The following RORA variants were observed in gnomAD, a reference collection of about 807,000 sequenced individuals.
RORA encodes the protein nuclear receptor ROR-alpha.
In RORA, 7 loss-of-function variants were observed where a neutral mutation model predicts 69.5. The ratio of observed to expected loss-of-function variants is 0.10; its 90% CI spans 0.06 to 0.19. The LOEUF (loss-of-function observed/expected upper bound fraction) is 0.19, where lower values mean the gene tolerates loss of function less well. Among genes scored for constraint, RORA ranks in the 10% least tolerant of loss-of-function variants. RORA has a pLI of 1.00. For synonymous variants in RORA, 261 were observed against 240.8 expected (o/e 1.08, Z -0.78); for missense variants, 457 against 663.0 (o/e 0.69, Z 3.41).
At chr15:61,088,712 T>C (rs1049123649) in intron 1 of RORA, among the ~76,000 whole-genome samples, 2 of 152,082 alleles carry the variant, frequency 1.3e-5, no homozygotes, top group Non-Finnish European at 2.9e-5. Context: ...AGTAAACTAG[T>C]AAACTAACAA....
chr15:61,227,878 T>C (rs998866391), intron 1 of RORA, among the ~76,000 whole-genome samples: 1 of 152,228 alleles, frequency 6.6e-6, no homozygotes, highest in Non-Finnish European at 1.5e-5. Flanking sequence ...AGCTTCCTCC[T>C]GTTCTTTGCA....
chr15:60,873,059 TAAAG>T (rs907649037), intron 1 of RORA, among the ~76,000 whole-genome samples: 2 of 152,172 alleles, frequency 1.3e-5, no homozygotes, highest in Non-Finnish European at 2.9e-5. Flanking sequence ...GCCGAGTCTA[TAAAG>T]ATTCTTCCTT....
At chr15:60,896,855 C>T (rs1225805255) in intron 1 of RORA, among the ~76,000 whole-genome samples, 1 of 151,700 alleles carries the variant, frequency 6.6e-6, no homozygotes, top group East Asian at 1.9e-4. Context: ...GTCACTTAAC[C>T]TCTAAGAGGC....
chr15:61,091,532 G>C (rs1566984288), intron 1 of RORA, among the ~76,000 whole-genome samples: 2 of 152,178 alleles, frequency 1.3e-5, no homozygotes, highest in Non-Finnish European at 2.9e-5. Context: ...CCTCAGCTGT[G>C]GGGCTCCGGC....
At chr15:60,940,225 C>T (rs767325459) in intron 1 of RORA, among the ~76,000 whole-genome samples, 5 of 152,116 alleles carry the variant, frequency 3.3e-5, no homozygotes, top group Non-Finnish European at 5.9e-5. Flanking sequence ...AAATTGTTGG[C>T]TAAGATGATT....
chr15:60,754,720 C>T (rs1184155572), intron 1 of RORA, among the ~76,000 whole-genome samples: 2 of 152,156 alleles, frequency 1.3e-5, no homozygotes, highest in Non-Finnish European at 2.9e-5. Context: ...TGCACAGGCA[C>T]ATTGGAGGAG....
intron 1 of RORA, among the ~76,000 whole-genome samples, chr15:60,995,615 C>T (rs1424453260): frequency 6.6e-6 from 1 of 152,182 alleles, no homozygotes; most frequent in Non-Finnish European, 1.5e-5. Context: ...ATCTGATAGC[C>T]CAACTCAAGA....
At chr15:60,664,375 G>C (rs1192828078) in intron 2 of RORA, among the ~76,000 whole-genome samples, 1 of 152,120 alleles carries the variant, frequency 6.6e-6, no homozygotes, top group African/African-American at 2.4e-5. Context: ...GCACTTGGCT[G>C]TGTGAAAGAG....
At chr15:60,569,957 G>A (rs564918654) in intron 2 of RORA, among the ~76,000 whole-genome samples, 3 of 152,270 alleles carry the variant, frequency 2.0e-5, no homozygotes, top group Admixed American at 6.5e-5. Context: ...ACCCACACTC[G>A]TTAAAAAGGA....
intron 1 of RORA, among the ~76,000 whole-genome samples, chr15:61,222,593 C>G (rs180896829): frequency 1.3e-5 from 2 of 152,274 alleles, no homozygotes; most frequent in East Asian, 1.9e-4. Context: ...TGGGCTGTCA[C>G]AAAAGAACAT....
chr15:60,891,069 G>A (rs887511051), intron 1 of RORA, among the ~76,000 whole-genome samples: 2 of 152,190 alleles, frequency 1.3e-5, no homozygotes, highest in Admixed American at 1.3e-4. Context: ...AGATGTCTCG[G>A]GAAGATCAAG....
chr15:60,549,989 CT>C (rs2067185340), intron 2 of RORA, among the ~76,000 whole-genome samples: 1 of 152,110 alleles, frequency 6.6e-6, no homozygotes. Context: ...TGCTTCCGAC[CT>C]TGAAAAAAGT....
intron 1 of RORA, among the ~76,000 whole-genome samples, chr15:60,926,662 T>C (rs748148519): frequency 2.9e-4 from 44 of 152,242 alleles, no homozygotes; most frequent in Non-Finnish European, 5.6e-4. Flanking sequence ...GGATGCTCCT[T>C]AGTCTCGTTT....
At position 60,855,440 on chromosome 15, in the gene RORA, T is replaced by C. The variant is rs564037906; in HGVS notation, c.167-176754A>G. On this transcript the variant is annotated intron_variant, in intron 1 of 10. Coordinates refer to ENST00000335670, the MANE Select transcript of RORA (RefSeq NM_134261.3). ...CAAGACCAGAGCAGTATTATTCCAC[T>C]TGGTGAAACTGGTCATATTTAGTCA... Among the ~76,000 whole-genome samples, 5 of 152,334 alleles carry C rather than the reference T, an allele frequency of 3.3e-5. No individual in the cohort carries two copies. In the East Asian group the frequency reaches 7.7e-4, roughly 23 times the overall value.
intron 1 of RORA, among the ~76,000 whole-genome samples, chr15:60,849,457 C>T (rs2073301291): frequency 1.3e-5 from 2 of 152,208 alleles, no homozygotes; most frequent in Non-Finnish European, 2.9e-5. Context: ...ACAATACTTG[C>T]TATTTACGAG....
intron 1 of RORA, among the ~76,000 whole-genome samples, chr15:60,929,671 A>G (rs1342186281): frequency 6.6e-6 from 1 of 152,218 alleles, no homozygotes; most frequent in Non-Finnish European, 1.5e-5. Context: ...GCTACAAGAC[A>G]TCTGATATGC....
intron 1 of RORA, among the ~76,000 whole-genome samples, chr15:60,999,837 T>C (rs1351874404): frequency 1.3e-5 from 2 of 152,232 alleles, no homozygotes; most frequent in Non-Finnish European, 2.9e-5. Context: ...CGATGAAAAC[T>C]GGCTTGTGGC....
At chr15:61,193,717 A>T (rs970144186) in intron 1 of RORA, among the ~76,000 whole-genome samples, 1 of 152,222 alleles carries the variant, frequency 6.6e-6, no homozygotes, top group Non-Finnish European at 1.5e-5. Flanking sequence ...TACATATGCA[A>T]TATCCTAACA....
chr15:60,560,143 T>G (rs2067488692), intron 2 of RORA, among the ~76,000 whole-genome samples: 1 of 152,214 alleles, frequency 6.6e-6, no homozygotes, highest in South Asian at 2.1e-4. Context: ...TAAATTTAGA[T>G]CTCTCCAGAA....
Sources: gnomAD v4.1 joint callset for allele counts (sites outside exome capture counted in the v4.1 genomes callset) on GRCh38, gnomAD v4.1.1 for gene constraint, MANE v1.5 for transcripts, NCBI Gene and HGNC (gene_info 2026-07-23, HGNC 2026-07-21) for gene names.